The following CFAP61 variants were observed in gnomAD, a reference collection of about 807,000 sequenced individuals.
CFAP61 encodes the protein cilia- and flagella-associated protein 61.
CFAP61 carries 107 observed loss-of-function variants against 135.6 expected under a neutral mutation model. That is an observed-to-expected ratio of 0.79 (90% CI 0.67 to 0.93). The LOEUF is 0.93. CFAP61 is among the 40% of genes least tolerant of loss of function. The pLI is 0.00. For missense variants in CFAP61, 1,507 were observed against 1,556.2 expected, an observed-to-expected ratio of 0.97 and a Z score of 0.53; for synonymous variants, 575 against 578.5, an observed-to-expected ratio of 0.99 and a Z score of 0.09.
At chr20:20,265,804 G>T in intron 21 of CFAP61, 1 of 255,788 alleles carries the variant, frequency 3.9e-6, no homozygotes, top group South Asian at 1.0e-4. Flanking sequence ...AAAAAGTTAA[G>T]AAAAAATGTT....
At chr20:20,122,140 C>T (rs939798868) in intron 8 of CFAP61, among the ~76,000 whole-genome samples, 2 of 148,728 alleles carry the variant, frequency 1.3e-5, no homozygotes, top group African/African-American at 4.9e-5. Context: ...TCCATTGTGT[C>T]ATTCTTTTTT....
rs532590376 is a variant in CFAP61, at chr20:20,128,585, C to T, written c.860-14272C>T. On this transcript the variant is annotated intron_variant, in intron 8 of 26. Transcript: ENST00000245957. The stretch of plus-strand genomic sequence containing the variant: ...CAGTCTGCTTCCTTCAGAGGGTCTG[C>T]GGGTCCTTTCAAGATTGCTGGTTTG... Among the ~76,000 whole-genome samples, 54 of 151,712 alleles carry T rather than the reference C, an allele frequency of 3.6e-4. 1 individual carries two copies. Among genetic ancestry groups the T allele is most frequent in the African/African-American group, 1.3e-3 (52 of 41,052 alleles).
At chr20:20,245,227 T>G (rs2050350347) in intron 18 of CFAP61, among the ~76,000 whole-genome samples, 1 of 152,224 alleles carries the variant, frequency 6.6e-6, no homozygotes, top group South Asian at 2.1e-4. Context: ...CCCACTCTAC[T>G]GGTACCAATT....
At chr20:20,323,121 C>G (rs1437238411) in intron 25 of CFAP61, 1 of 985,474 alleles carries the variant, frequency 1.0e-6, no homozygotes. Flanking sequence ...CACTCGACTT[C>G]AACTTCTTCC....
intron 22 of CFAP61, 148 bp downstream of exon 22, chr20:20,277,606 GTAACAAC>G: frequency 1.3e-6 from 1 of 756,294 alleles, no homozygotes; most frequent in Non-Finnish European, 2.1e-6. Context: ...CTCTTGCTGG[GTAACAAC>G]CCACCCCAGA....
intron 17 of CFAP61, among the ~76,000 whole-genome samples, chr20:20,208,657 TGGA>T (rs2056967152): frequency 6.6e-6 from 1 of 152,218 alleles, no homozygotes; most frequent in Non-Finnish European, 1.5e-5. Flanking sequence ...GAGGAACAGT[TGGA>T]GGAGGAGGCA....
At chr20:20,236,940 T>G (rs2049638882) in intron 18 of CFAP61, among the ~76,000 whole-genome samples, 1 of 152,230 alleles carries the variant, frequency 6.6e-6, no homozygotes, top group South Asian at 2.1e-4. Context: ...AAAGTATAAA[T>G]GTATAATGTT....
intron 8 of CFAP61, among the ~76,000 whole-genome samples, chr20:20,139,303 G>A (rs2051180850): frequency 6.6e-6 from 1 of 152,192 alleles, no homozygotes; most frequent in Admixed American, 6.5e-5. Flanking sequence ...TGCCTTGGCG[G>A]AGCCTGTGCT....
At chr20:20,212,156 T>C (rs6106208) in intron 17 of CFAP61, among the ~76,000 whole-genome samples, 16,322 of 152,146 alleles carry the variant, frequency 0.11, 909 homozygotes, top group Middle Eastern at 0.16. Context: ...TTTCAGACCA[T>C]GTGACTTCTA....
At chr20:20,073,259 T>C (rs2045845479) in intron 3 of CFAP61, among the ~76,000 whole-genome samples, 1 of 152,248 alleles carries the variant, frequency 6.6e-6, no homozygotes, top group African/African-American at 2.4e-5. Context: ...TGAAATCATG[T>C]CGTCGTCATC....
chr20:20,338,570 C>T (rs2058326466), intron 25 of CFAP61, among the ~76,000 whole-genome samples: 1 of 152,270 alleles, frequency 6.6e-6, no homozygotes, highest in Non-Finnish European at 1.5e-5. Context: ...AAAGGGCAGA[C>T]CTGCAGTCGC....
At chr20:20,313,292 G>T (rs1244621402) in intron 25 of CFAP61, among the ~76,000 whole-genome samples, 1 of 152,178 alleles carries the variant, frequency 6.6e-6, no homozygotes, top group African/African-American at 2.4e-5. Flanking sequence ...TTATCACCTT[G>T]ATCTTGGACT....
intron 13 of CFAP61, among the ~76,000 whole-genome samples, chr20:20,181,068 A>G (rs2055027264): frequency 1.3e-5 from 2 of 151,870 alleles, no homozygotes; most frequent in South Asian, 4.2e-4. Context: ...TAGGCTCAAT[A>G]CCTGGGTGAT....
chr20:20,142,948 G>A lies in CFAP61; in HGVS notation c.951G>A (p.Gln317=). The change falls in exon 9 of 27, where the codon CAG becomes CAA. Residue 317 remains glutamine (Q), a splice_region_variant and synonymous_variant. Transcript: ENST00000245957. ...PVSPDTMENI[Q]GNIAREAASE... is the part of the protein sequence containing the mutation. ...CTCCAGATACCATGGAAAACATCCA[G>A]GTGAGAGAGACTATCCCTCCATGCC... 6.4e-7 allele frequency: 1 copy of A among 1,571,502 alleles called. No individual in the cohort carries two copies. The highest frequency in any genetic ancestry group is 1.3e-5 in the African/African-American group (1 of 74,232).
intron 13 of CFAP61, among the ~76,000 whole-genome samples, chr20:20,176,225 A>G (rs748894784): frequency 5.8e-4 from 89 of 152,300 alleles, no homozygotes; most frequent in Non-Finnish European, 1.2e-3. Context: ...GAGACTATGG[A>G]GAAATAGGAA....
chr20:20,106,166 A>T (rs1013839086), intron 8 of CFAP61, among the ~76,000 whole-genome samples: 5 of 151,304 alleles, frequency 3.3e-5, no homozygotes, highest in Non-Finnish European at 5.9e-5. Context: ...GAGAGTTTAG[A>T]CTCTTTCAGG....
intron 21 of CFAP61, among the ~76,000 whole-genome samples, chr20:20,275,906 G>A (rs2053723712): frequency 6.6e-6 from 1 of 152,146 alleles, no homozygotes; most frequent in Non-Finnish European, 1.5e-5. Context: ...GCTCACCAAG[G>A]AATGTTGCAT....
intron 25 of CFAP61, among the ~76,000 whole-genome samples, chr20:20,331,428 G>GAA (rs11476115): frequency 6.9e-6 from 1 of 144,654 alleles, no homozygotes. Context: ...AAAAGCTTTA[G>GAA]AAAAAAAAAA....
At chr20:20,163,629 G>A (rs1430867905) in intron 10 of CFAP61, among the ~76,000 whole-genome samples, 3 of 149,200 alleles carry the variant, frequency 2.0e-5, no homozygotes, top group Non-Finnish European at 3.0e-5. Flanking sequence ...TTTATTTTAC[G>A]TTCTGGGATA....
Sources: allele counts gnomAD v4.1 joint callset (sites outside exome capture counted in the v4.1 genomes callset), GRCh38; gene constraint gnomAD v4.1.1; transcripts MANE v1.5; gene names NCBI Gene and HGNC (gene_info 2026-07-23, HGNC 2026-07-21).